The following SEMA6D variants were observed in gnomAD, a reference collection of about 807,000 sequenced individuals.
The protein encoded by SEMA6D is semaphorin-6D.
In SEMA6D, 35 loss-of-function variants were observed where a neutral mutation model predicts 106.6. That is an observed-to-expected ratio of 0.33 (90% CI 0.25 to 0.44). The LOEUF is 0.44. Among genes scored for constraint, SEMA6D ranks in the 20% least tolerant of loss-of-function variants. SEMA6D has a pLI of 1.00. For synonymous variants in SEMA6D, 499 were observed against 487.7 expected, an observed-to-expected ratio of 1.02 and a Z score of -0.31; for missense variants, 1,185 against 1,345.9, an observed-to-expected ratio of 0.88 and a Z score of 1.87.
intron 11 of SEMA6D, 108 bp from the exon 12 acceptor site, chr15:47,764,530 C>T: frequency 2.0e-6 from 3 of 1,479,054 alleles, no homozygotes; most frequent in Admixed American, 3.9e-5. Context: ...CACTCACTCT[C>T]CTTCCTCACT....
chr15:47,711,445 T>C (rs2079022700), intron 4 of SEMA6D, among the ~76,000 whole-genome samples: 1 of 152,180 alleles, frequency 6.6e-6, no homozygotes, highest in African/African-American at 2.4e-5. Flanking sequence ...AAACAAAAGT[T>C]AAACAAACTA....
chr15:47,760,566 T>G, intron 3 of SEMA6D, 151 bp downstream of exon 3: 1 of 628,354 alleles, frequency 1.6e-6, no homozygotes, highest in Non-Finnish European at 2.7e-6. Flanking sequence ...CAGTGTTGTG[T>G]ACCGGGAACA....
At chr15:47,389,515 A>G (rs772203322) in intron 1 of SEMA6D, among the ~76,000 whole-genome samples, 1 of 152,186 alleles carries the variant, frequency 6.6e-6, no homozygotes, top group Admixed American at 6.5e-5. Flanking sequence ...AGAATCTAAA[A>G]TACACAAAAC....
At chr15:47,233,508 G>T (rs2032346457) in intron 1 of SEMA6D, among the ~76,000 whole-genome samples, 1 of 152,012 alleles carries the variant, frequency 6.6e-6, no homozygotes, top group African/African-American at 2.4e-5. Flanking sequence ...CATTGTATCT[G>T]TCAATTTGGA....
intron 1 of SEMA6D, among the ~76,000 whole-genome samples, chr15:47,357,337 A>G (rs2038622434): frequency 6.6e-6 from 1 of 151,986 alleles, no homozygotes; most frequent in South Asian, 2.1e-4. Flanking sequence ...ATCTCAAAAA[A>G]TAAATAAATA....
intron 1 of SEMA6D, among the ~76,000 whole-genome samples, chr15:47,382,516 A>G (rs2039678920): frequency 6.6e-6 from 1 of 152,206 alleles, no homozygotes; most frequent in Non-Finnish European, 1.5e-5. Context: ...CAAAAAGAAA[A>G]AAAAAGGGAC....
chr15:47,622,204 A>G, intron 4 of SEMA6D, among the ~76,000 whole-genome samples: 1 of 146,118 alleles, frequency 6.8e-6, no homozygotes, highest in Non-Finnish European at 1.5e-5. Flanking sequence ...ACCCAGCCAA[A>G]AAAAAAAAAA....
intron 4 of SEMA6D, among the ~76,000 whole-genome samples, chr15:47,648,289 A>C (rs1389267171): frequency 6.6e-6 from 1 of 152,132 alleles, no homozygotes; most frequent in Non-Finnish European, 1.5e-5. Context: ...ATTTCCTCTC[A>C]CATCCTAAAG....
At chr15:47,314,275 T>C (rs2036553318) in intron 1 of SEMA6D, among the ~76,000 whole-genome samples, 3 of 152,116 alleles carry the variant, frequency 2.0e-5, no homozygotes, top group South Asian at 2.1e-4. Context: ...CATTTTTTAA[T>C]TGAGTTGCAT....
chr15:47,668,311 A>G (rs2078068468), intron 4 of SEMA6D, among the ~76,000 whole-genome samples: 1 of 152,212 alleles, frequency 6.6e-6, no homozygotes, highest in African/African-American at 2.4e-5. Context: ...AACAGCCAGT[A>G]GATCTAACAC....
chr15:47,412,657 G>A (rs2040836043), intron 2 of SEMA6D, among the ~76,000 whole-genome samples: 1 of 152,130 alleles, frequency 6.6e-6, no homozygotes, highest in Admixed American at 6.5e-5. Context: ...GTGTTTGTTG[G>A]TACGAGTGAA....
At chr15:47,486,357 G>A (rs1028363272) in intron 3 of SEMA6D, among the ~76,000 whole-genome samples, 1 of 152,184 alleles carries the variant, frequency 6.6e-6, no homozygotes, top group Non-Finnish European at 1.5e-5. Context: ...TTGAACTTTT[G>A]ATGTTGATTC....
chr15:47,400,555 A>G (rs903618396), intron 1 of SEMA6D, among the ~76,000 whole-genome samples: 2 of 151,948 alleles, frequency 1.3e-5, no homozygotes, highest in African/African-American at 4.8e-5. Context: ...TGAGGCAGGC[A>G]TTATTCCCAT....
intron 18 of SEMA6D, among the ~76,000 whole-genome samples, chr15:47,769,881 A>G (rs1334639310): frequency 6.6e-6 from 1 of 152,094 alleles, no homozygotes; most frequent in African/African-American, 2.4e-5. Flanking sequence ...TGGGTTTCTT[A>G]CATAGTCGGT....
At chr15:47,401,274 T>C (rs1348670025) in intron 1 of SEMA6D, among the ~76,000 whole-genome samples, 3 of 152,224 alleles carry the variant, frequency 2.0e-5, no homozygotes, top group African/African-American at 7.2e-5. Flanking sequence ...ACATTTCTTA[T>C]AGAATAAATG....
chr15:47,634,827 G>A (rs538655294), intron 4 of SEMA6D, among the ~76,000 whole-genome samples: 1 of 151,936 alleles, frequency 6.6e-6, no homozygotes, highest in Non-Finnish European at 1.5e-5. Flanking sequence ...GGTGGGGGCG[G>A]GGTGGAAGTT....
intron 3 of SEMA6D, among the ~76,000 whole-genome samples, chr15:47,493,803 A>T (rs2043548544): frequency 6.6e-6 from 1 of 152,142 alleles, no homozygotes; most frequent in Non-Finnish European, 1.5e-5. Flanking sequence ...TCACTCCATA[A>T]TTCATACTCT....
intron 1 of SEMA6D, among the ~76,000 whole-genome samples, chr15:47,319,196 G>A (rs1411791841): frequency 6.6e-6 from 1 of 152,050 alleles, no homozygotes; most frequent in African/African-American, 2.4e-5. Flanking sequence ...TACATTGATT[G>A]TAAGTTCTTG....
chr15:47,539,199 C>T (rs2045277237), intron 3 of SEMA6D, among the ~76,000 whole-genome samples: 1 of 152,134 alleles, frequency 6.6e-6, no homozygotes, highest in Admixed American at 6.6e-5. Context: ...TTGTGATGTG[C>T]TTGTCATCAC....
Sources: gnomAD v4.1 joint callset for allele counts (sites outside exome capture counted in the v4.1 genomes callset) on GRCh38, gnomAD v4.1.1 for gene constraint, MANE v1.5 for transcripts, NCBI Gene and HGNC (gene_info 2026-07-23, HGNC 2026-07-21) for gene names.